BTRC: variants seen among roughly 807,000 people sequenced by gnomAD.
BTRC encodes the protein F-box/WD repeat-containing protein 1A.
Under a neutral mutation model 85.5 loss-of-function variants are expected in BTRC, and 42 were observed. The observed-to-expected ratio is 0.49, with a 90% confidence interval of 0.38 to 0.64. BTRC has a LOEUF of 0.64. BTRC is among the 30% of genes least tolerant of loss of function. The pLI, the probability that BTRC is intolerant of heterozygous loss-of-function variation, is 0.00. For missense variants in BTRC, 594 were observed against 743.5 expected, an observed-to-expected ratio of 0.80 and a Z score of 2.34; for synonymous variants, 255 against 263.3, an observed-to-expected ratio of 0.97 and a Z score of 0.30.
chr10:101,484,297 G>A (rs912169693), intron 4 of BTRC, among the ~76,000 whole-genome samples: 1 of 152,224 alleles, frequency 6.6e-6, no homozygotes, highest in African/African-American at 2.4e-5. Context: ...GAAACAAGCT[G>A]TTTAAATTCA....
At chr10:101,355,743 C>T (rs1350268676) in intron 1 of BTRC, among the ~76,000 whole-genome samples, 2 of 152,196 alleles carry the variant, frequency 1.3e-5, no homozygotes, top group Admixed American at 6.5e-5. Context: ...TAAACTGCCC[C>T]ATTTATAAGA....
intron 1 of BTRC, among the ~76,000 whole-genome samples, chr10:101,390,821 A>C (rs986697554): frequency 1.3e-5 from 2 of 152,196 alleles, no homozygotes; most frequent in African/African-American, 2.4e-5. Flanking sequence ...TGTACTGTCC[A>C]GCACTCTCTT....
intron 1 of BTRC, among the ~76,000 whole-genome samples, chr10:101,429,254 T>G (rs994399124): frequency 5.3e-5 from 8 of 152,170 alleles, no homozygotes; most frequent in African/African-American, 1.9e-4. Context: ...TGGGATACTT[T>G]TAGAGAAACA....
At chr10:101,516,825 A>G (rs754545076) in intron 4 of BTRC, among the ~76,000 whole-genome samples, 22 of 152,146 alleles carry the variant, frequency 1.4e-4, no homozygotes, top group Non-Finnish European at 2.8e-4. Flanking sequence ...TAAGCTGCTG[A>G]TTGTTCTTCT....
At chr10:101,544,275 G>T (rs2062522966) in intron 13 of BTRC, among the ~76,000 whole-genome samples, 1 of 151,984 alleles carries the variant, frequency 6.6e-6, no homozygotes, top group South Asian at 2.1e-4. Context: ...CTTTTCTATT[G>T]CCTCCCATTC....
chr10:101,521,576 C>CAT lies in BTRC; in HGVS notation c.325-56_325-55dup, dbSNP rs2062106331. 5.8e-6 allele frequency: 7 copies of CAT among 1,201,926 alleles called. No homozygotes were observed. The Admixed American group carries it at 8.6e-5, about 15-fold the overall frequency. The allele number at this position is 1,201,926 out of a possible 1,614,324, so 74.5% of individuals were successfully genotyped here. ...AATATAGCATGCCATACCAGAAAAT[C>CAT]ATATATATTTCCCTCATTTTCAATA... On this transcript the variant is annotated intron_variant, in intron 4 of 14. Coordinates refer to ENST00000370187, the MANE Select transcript of BTRC (RefSeq NM_033637.4).
chr10:101,410,143 T>G (rs1157681344), intron 1 of BTRC, among the ~76,000 whole-genome samples: 1 of 152,084 alleles, frequency 6.6e-6, no homozygotes, highest in Non-Finnish European at 1.5e-5. Flanking sequence ...TGGACAGGAG[T>G]TTACTGATAA....
At position 101,479,379 on chromosome 10, in the gene BTRC, C is replaced by G; in HGVS notation, c.246C>G (p.Ser82Arg). The G allele has an allele frequency of 6.2e-7, 1 of 1,612,504 alleles. No individual in the cohort carries two copies. The highest frequency in any genetic ancestry group is 8.5e-7 in the Non-Finnish European group (1 of 1,178,882). Reference sequence around the variant, plus strand: ...AATTCTCTTTACAGACATACAACAGCTGTGCCAGACTCTGCTTAAACCAAG... The same window carrying G: ...AATTCTCTTTACAGACATACAACAGGTGTGCCAGACTCTGCTTAAACCAAG... ...EKNSLRQTYN[S>R]CARLCLNQET... The change falls in exon 4 of 15, where the codon AGC becomes AGG. Residue 82 changes from serine to arginine, a missense_variant. Ser to Arg is a moderately radical substitution (Grantham distance 110). This residue lies in a region of BTRC where 163 missense variants were observed against 180.5 expected (regional missense o/e 0.90). Transcript: ENST00000370187.
At chr10:101,444,027 G>A (rs974013667) in intron 2 of BTRC, among the ~76,000 whole-genome samples, 4 of 152,134 alleles carry the variant, frequency 2.6e-5, no homozygotes, top group Non-Finnish European at 5.9e-5. Context: ...TTAACCATTA[G>A]TCATATGTAT....
intron 1 of BTRC, among the ~76,000 whole-genome samples, chr10:101,373,576 C>T (rs1195039759): frequency 2.6e-5 from 4 of 151,774 alleles, no homozygotes; most frequent in Non-Finnish European, 5.9e-5. Context: ...TGGGATGGTC[C>T]CTAACTATAA....
intron 2 of BTRC, among the ~76,000 whole-genome samples, chr10:101,435,226 A>C (rs1944497943): frequency 6.6e-6 from 1 of 152,212 alleles, no homozygotes; most frequent in Admixed American, 6.5e-5. Context: ...TAAAATTTAC[A>C]TACAGTGAGA....
chr10:101,367,926 A>G (rs1333024314), intron 1 of BTRC, among the ~76,000 whole-genome samples: 1 of 152,190 alleles, frequency 6.6e-6, no homozygotes, highest in Non-Finnish European at 1.5e-5. Flanking sequence ...TTTTCCTTAA[A>G]CATATGTACA....
chr10:101,458,203 G>C lies in BTRC; in HGVS notation c.157-3778G>C, dbSNP rs115965795. ...GGCAATAAAAGGAAAAGAAATACTA[G>C]TATTTACAACAACATGAGTAGATCT... On this transcript the variant is annotated intron_variant, in intron 2 of 14. Coordinates refer to ENST00000370187, the MANE Select transcript of BTRC (RefSeq NM_033637.4). Among the ~76,000 whole-genome samples the C allele has an allele frequency of 5.0e-3, 760 of 152,206 alleles. 8 individuals are homozygous for C. The highest frequency in any genetic ancestry group is 0.017 in the African/African-American group (715 of 41,548).
chr10:101,445,990 G>A (rs1266568590), intron 2 of BTRC, among the ~76,000 whole-genome samples: 3 of 152,124 alleles, frequency 2.0e-5, no homozygotes, highest in Non-Finnish European at 2.9e-5. Flanking sequence ...GCACTGGGAC[G>A]GAAGATTGCT....
chr10:101,454,406 C>T (rs1363636602), intron 2 of BTRC, among the ~76,000 whole-genome samples: 1 of 152,056 alleles, frequency 6.6e-6, no homozygotes, highest in Non-Finnish European at 1.5e-5. Context: ...ACAGTTAAAC[C>T]TCATTTTAAG....
chr10:101,479,440 G>A lies in BTRC; in HGVS notation c.307G>A (p.Glu103Lys). The A allele has an allele frequency of 6.2e-7, 1 of 1,613,004 alleles. No homozygotes were observed. ...VCLASTAMKTENCVAKTKLAN... is the reference protein window; with the variant it reads ...VCLASTAMKTKNCVAKTKLAN... ...TTTAGCAAGCACTGCTATGAAGACTGAGAATTGTGTGGCCAAAGTAAGTAA... is the reference window on the plus strand; with the variant it reads ...TTTAGCAAGCACTGCTATGAAGACTAAGAATTGTGTGGCCAAAGTAAGTAA... The change falls in exon 4 of 15, where the codon GAG (glutamate) becomes AAG (lysine). Residue 103 changes from glutamate to lysine, a missense_variant. Physicochemically the swap from Glu to Lys is moderately conservative, Grantham distance 56 (BLOSUM62 1). Around this residue, in one of 4 missense-constraint regions of BTRC, gnomAD observed 163 missense variants for 180.5 expected, o/e 0.90. Transcript: ENST00000370187.
At position 101,557,237 on chromosome 10, in the gene BTRC, A is replaced by G. The variant is rs916449903; in HGVS notation, c.*4114A>G. 1 of 152,192 alleles carries G rather than the reference A, an allele frequency of 6.6e-6. No individual in the cohort carries two copies. Among genetic ancestry groups the G allele is most frequent in the African/African-American group, 2.4e-5 (1 of 41,434 alleles). 9.4% of individuals were successfully genotyped at this position (152,192 alleles called of 1,614,324 possible). ...ACCAATATGTTCACAACCTAGGATC[A>G]TGATAATGGAGTGTGTTTTGGGTTT... is the stretch of plus-strand genomic sequence containing the variant. On this transcript the variant is annotated 3_prime_UTR_variant, in exon 15 of 15. Coordinates refer to ENST00000370187, the MANE Select transcript of BTRC (RefSeq NM_033637.4).
In BTRC at chr10:101,521,730, A is replaced by C; in HGVS notation, c.416A>C (p.Lys139Thr). ...SYEKEKELCV[K>T]YFEQWSESDQ... ...GAAAAGGAAAAGGAACTGTGTGTCA[A>C]ATACTTTGAGCAGTGGTCAGAGTCA... Residue 139 changes from lysine (K) to threonine (T), a missense_variant, in exon 5 of 15, where the codon AAA becomes ACA. Transcript: ENST00000370187. 2 of 1,614,180 alleles carry C rather than the reference A, an allele frequency of 1.2e-6. No homozygotes were observed. Among genetic ancestry groups the C allele is most frequent in the Admixed American group, 3.3e-5 (2 of 60,022 alleles).
intron 1 of BTRC, among the ~76,000 whole-genome samples, chr10:101,395,911 GT>G (rs1200414497): frequency 6.6e-6 from 1 of 151,714 alleles, no homozygotes; most frequent in African/African-American, 2.4e-5. Flanking sequence ...TCCATGTTTT[GT>G]TTGTAAGCGA....
Sources: gnomAD v4.1 joint callset for allele counts (sites outside exome capture counted in the v4.1 genomes callset) on GRCh38, gnomAD v4.1.1 for gene constraint, gnomAD v4.1.1 regional missense constraint, MANE v1.5 for transcripts, NCBI Gene and HGNC (gene_info 2026-07-23, HGNC 2026-07-21) for gene names.